Variants in TOP1 observed in about 807,000 individuals in gnomAD.
TOP1 encodes DNA topoisomerase 1.
A neutral mutation model predicts 111.1 loss-of-function variants in TOP1; 10 were observed. That is an observed-to-expected ratio of 0.09 (90% CI 0.06 to 0.15). The LOEUF is 0.15. TOP1 is among the 10% of genes least tolerant of loss of function. The pLI, the probability that TOP1 is intolerant of heterozygous loss-of-function variation, is 1.00. For missense variants in TOP1, 474 were observed against 926.7 expected, an observed-to-expected ratio of 0.51 and a Z score of 6.34; for synonymous variants, 271 against 302.9, an observed-to-expected ratio of 0.89 and a Z score of 1.10.
Position 41,061,435 on chromosome 20 carries a change from C to T in TOP1, c.100C>T (p.Arg34Trp), listed in dbSNP as rs1319354641. The T allele has an allele frequency of 4.3e-6, 7 of 1,613,196 alleles. No homozygotes were observed. Among genetic ancestry groups the T allele is most frequent in the South Asian group, 1.1e-5 (1 of 91,016 alleles). ...AGATAAACACAAAGATCGAGAACAC[C>T]GGCACAAAGAACACAAGAAGGAGAA... Reference protein sequence around the residue: ...HKDKHKDREHRHKEHKKEKDR... With the variant: ...HKDKHKDREHWHKEHKKEKDR... The change falls in exon 3 of 21, where the codon CGG becomes TGG. Residue 34 changes from arginine to tryptophan, a missense_variant. Physicochemically the swap from Arg to Trp is moderately radical, Grantham distance 101. Coordinates refer to ENST00000361337, the MANE Select transcript of TOP1 (RefSeq NM_003286.4). This position sits in a 1 kb window ranked among gnomAD's most constrained non-coding sequence, Gnocchi z 4.6.
intron 2 of TOP1, among the ~76,000 whole-genome samples, chr20:41,037,848 A>G (rs925967548): frequency 2.6e-5 from 4 of 152,244 alleles, no homozygotes; most frequent in Non-Finnish European, 5.9e-5. Context: ...AAGGATTATC[A>G]CAGAAGCATC....
intron 3 of TOP1, among the ~76,000 whole-genome samples, chr20:41,062,614 G>C (rs932567025): frequency 4.6e-5 from 7 of 152,094 alleles, no homozygotes. Flanking sequence ...AAAGAATATT[G>C]CCAAGGATAA....
rs1209867865 is a variant in TOP1, at chr20:41,046,742, T to C, written c.59-14652T>C. Among the ~76,000 whole-genome samples the C allele has an allele frequency of 6.6e-6, 1 of 152,224 alleles. No individual in the cohort carries two copies. Among genetic ancestry groups the C allele is most frequent in the Admixed American group, 6.5e-5 (1 of 15,282 alleles). ...CCTTATTTTATAAGGGTTCCTGAAG[T>C]CTGCTTATTTACTAAGGAATTTCAT... On this transcript the variant is annotated intron_variant, in intron 2 of 20. Coordinates refer to ENST00000361337, the MANE Select transcript of TOP1 (RefSeq NM_003286.4). This position sits in a 1 kb window ranked among gnomAD's most constrained non-coding sequence, Gnocchi z 4.3.
rs1416170258 is a variant in TOP1 at position 41,098,525 on chromosome 20, A to C, written c.975+188A>C. On this transcript the variant is annotated intron_variant, in intron 11 of 20. Coordinates refer to ENST00000361337, the MANE Select transcript of TOP1 (RefSeq NM_003286.4). The surrounding 1 kb of genome is among the most constrained non-coding windows in gnomAD (Gnocchi z 5.7). ...GTTAGACTGAAAATTGTGAACAAGT[A>C]CTTTGCTCAGTAGCTCTGTACAGGA... is the stretch of plus-strand genomic sequence containing the variant. 8.1e-6 allele frequency: 5 copies of C among 614,544 alleles called. No homozygotes were observed. The highest frequency in any genetic ancestry group is 1.3e-5 in the Non-Finnish European group (5 of 371,924). 38.1% of individuals were successfully genotyped at this position (614,544 alleles called of 1,614,324 possible). A position where few individuals can be genotyped will look rare whatever the true frequency, so the allele number is the denominator to read the frequency against.
At chr20:41,059,759 A>T (rs2033522242) in intron 2 of TOP1, among the ~76,000 whole-genome samples, 1 of 152,200 alleles carries the variant, frequency 6.6e-6, no homozygotes, top group Non-Finnish European at 1.5e-5. Flanking sequence ...TAAAAACAAG[A>T]AAATGATGGG....
intron 2 of TOP1, among the ~76,000 whole-genome samples, chr20:41,037,182 A>C (rs2033200074): frequency 6.6e-6 from 1 of 152,170 alleles, no homozygotes; most frequent in Non-Finnish European, 1.5e-5. Flanking sequence ...TGCCAAAGGA[A>C]CTTGTAGCAG....
chr20:41,070,356 A>G (rs1264470872), intron 3 of TOP1, among the ~76,000 whole-genome samples: 1 of 152,188 alleles, frequency 6.6e-6, no homozygotes, highest in Non-Finnish European at 1.5e-5. Context: ...AATTACATTT[A>G]CCTTGAAGTT....
intron 2 of TOP1, among the ~76,000 whole-genome samples, chr20:41,045,576 A>C (rs2033324001): frequency 6.6e-6 from 1 of 152,214 alleles, no homozygotes; most frequent in African/African-American, 2.4e-5. Context: ...TGCGTAGTTG[A>C]CAAAACAGAT....
chr20:41,089,902 G>T (rs1351885140), intron 8 of TOP1, among the ~76,000 whole-genome samples: 1 of 152,018 alleles, frequency 6.6e-6, no homozygotes. Context: ...GCATATTTTT[G>T]CAGGTGCTTA....
At chr20:41,091,857 A>AT (rs1568693833) in intron 8 of TOP1, among the ~76,000 whole-genome samples, 2 of 151,950 alleles carry the variant, frequency 1.3e-5, no homozygotes, top group African/African-American at 4.8e-5. Flanking sequence ...TATGGTGTTT[A>AT]TTGTATTACT....
At chr20:41,040,047 T>C (rs1173888298) in intron 2 of TOP1, among the ~76,000 whole-genome samples, 3 of 152,264 alleles carry the variant, frequency 2.0e-5, no homozygotes, top group African/African-American at 7.2e-5. Flanking sequence ...TTGAACTGAA[T>C]TGATTGAAAT....
intron 2 of TOP1, among the ~76,000 whole-genome samples, chr20:41,053,359 T>C (rs1243303592): frequency 1.3e-5 from 2 of 152,214 alleles, no homozygotes; most frequent in Non-Finnish European, 2.9e-5. Context: ...TTATTTCATC[T>C]TGTTCGCTGG....
At chr20:41,099,657 T>G (rs1392983909) in intron 11 of TOP1, among the ~76,000 whole-genome samples, 2 of 152,196 alleles carry the variant, frequency 1.3e-5, no homozygotes, top group African/African-American at 4.8e-5. Context: ...TTTTAAGCTG[T>G]TTAACTGCTG....
At position 41,109,279 on chromosome 20, in the gene TOP1, C is replaced by T. The variant is rs2034196737; in HGVS notation, c.1309-3503C>T. On this transcript the variant is annotated intron_variant, in intron 13 of 20. Coordinates refer to ENST00000361337, the MANE Select transcript of TOP1 (RefSeq NM_003286.4). The surrounding 1 kb of genome is among the most constrained non-coding windows in gnomAD (Gnocchi z 4.1). ...AGCTCATTAAAAATATATATATATT[C>T]TGAGCCTGGCATCTTGGTATAAAAT... 6.6e-6 allele frequency among the ~76,000 whole-genome samples: 1 copy of T among 152,094 alleles called. No homozygotes were observed. The highest frequency in any genetic ancestry group is 6.6e-5 in the Admixed American group (1 of 15,266).
intron 2 of TOP1, among the ~76,000 whole-genome samples, chr20:41,055,988 A>G (rs1363999727): frequency 6.6e-6 from 1 of 152,218 alleles, no homozygotes; most frequent in African/African-American, 2.4e-5. Flanking sequence ...AAGCATACAC[A>G]TAGAGAAATA....
intron 2 of TOP1, among the ~76,000 whole-genome samples, chr20:41,060,666 C>T (rs1444588637): frequency 6.6e-6 from 1 of 152,034 alleles, no homozygotes; most frequent in African/African-American, 2.4e-5. Flanking sequence ...CCAGGACCAC[C>T]CCACCCCCTG....
In TOP1 at chr20:41,097,177, A is replaced by G; in HGVS notation, c.731-43A>G. On this transcript the variant is annotated intron_variant, in intron 9 of 20. Transcript: ENST00000361337. This position sits in a 1 kb window ranked among gnomAD's most constrained non-coding sequence, Gnocchi z 4.2. ...AGCCCTGGGTATTTATGCTTAGAAC[A>G]TGAATACTATACCTCACTTTTTGGA... 6.2e-7 allele frequency: 1 copy of G among 1,601,964 alleles called. No homozygotes were observed. Among genetic ancestry groups the G allele is most frequent in the Non-Finnish European group, 8.5e-7 (1 of 1,176,448 alleles).
rs770689858 is a variant in TOP1 at position 41,077,644 on chromosome 20, C to T, written c.335+7C>T. 1 of 1,613,628 alleles carries T rather than the reference C, an allele frequency of 6.2e-7. No individual in the cohort carries two copies. The highest frequency in any genetic ancestry group is 8.5e-7 in the Non-Finnish European group (1 of 1,179,630). On this transcript the variant is annotated splice_region_variant and intron_variant, in intron 5 of 20. Coordinates refer to ENST00000361337, the MANE Select transcript of TOP1 (RefSeq NM_003286.4). Reference sequence around the variant, plus strand: ...AGGAAAATGGCTTCTCTAGGTAAGACTTTGCTGCTGCGTGGGCTTCCCTTT... The same window carrying T: ...AGGAAAATGGCTTCTCTAGGTAAGATTTTGCTGCTGCGTGGGCTTCCCTTT...
At position 41,078,423 on chromosome 20, in the gene TOP1, G is replaced by T. The variant is rs938738310; in HGVS notation, c.335+786G>T. On this transcript the variant is annotated intron_variant, in intron 5 of 20. Transcript: ENST00000361337. This position sits in a 1 kb window ranked among gnomAD's most constrained non-coding sequence, Gnocchi z 5.3. Reference sequence around the variant, plus strand: ...TTGACTGGGACAAAACACTTTGAGAGTTTTGCTTCCTTGAATCTTTGAACT... The same window carrying T: ...TTGACTGGGACAAAACACTTTGAGATTTTTGCTTCCTTGAATCTTTGAACT... Among the ~76,000 whole-genome samples the T allele has an allele frequency of 1.3e-5, 2 of 152,182 alleles. No individual in the cohort carries two copies. The highest frequency in any genetic ancestry group is 4.8e-5 in the African/African-American group (2 of 41,448).
Sources: gnomAD v4.1 joint callset for allele counts (sites outside exome capture counted in the v4.1 genomes callset) on GRCh38, gnomAD v4.1.1 for gene constraint, Gnocchi (gnomAD v3.1) non-coding constraint, MANE v1.5 for transcripts, NCBI Gene and HGNC (gene_info 2026-07-23, HGNC 2026-07-21) for gene names.